Variants in FAM117A observed in about 807,000 individuals in gnomAD.
The protein encoded by FAM117A is family with sequence similarity 117 member A, also known as protein FAM117A.
A neutral mutation model predicts 44.1 loss-of-function variants in FAM117A; 21 were observed. That is an observed-to-expected ratio of 0.48 (90% CI 0.34 to 0.69). The LOEUF is 0.69. FAM117A is among the 30% of genes least tolerant of loss of function. FAM117A has a pLI of 0.01. For synonymous variants in FAM117A, 220 were observed against 238.3 expected (o/e 0.92, Z 0.71); for missense variants, 498 against 589.9 (o/e 0.84, Z 1.61).
chr17:49,712,298 G>C (rs1454068151), intron 7 of FAM117A, among the ~76,000 whole-genome samples: 1 of 152,168 alleles, frequency 6.6e-6, no homozygotes, highest in Non-Finnish European at 1.5e-5. Context: ...TTTGTTGCGG[G>C]GTGGGGATGG....
At chr17:49,781,155 C>T (rs2073788543) in intron 1 of FAM117A, among the ~76,000 whole-genome samples, 1 of 152,184 alleles carries the variant, frequency 6.6e-6, no homozygotes, top group African/African-American at 2.4e-5. Flanking sequence ...TGACCCATAA[C>T]TGAATGTAGC....
intron 1 of FAM117A, among the ~76,000 whole-genome samples, chr17:49,733,168 T>C (rs1201151979): frequency 1.3e-5 from 2 of 152,200 alleles, no homozygotes; most frequent in Non-Finnish European, 2.9e-5. Flanking sequence ...GCTTAGGCAC[T>C]GCACAAATTC....
At chr17:49,740,383 G>A (rs926320685) in intron 1 of FAM117A, among the ~76,000 whole-genome samples, 1 of 151,956 alleles carries the variant, frequency 6.6e-6, no homozygotes, top group Non-Finnish European at 1.5e-5. Context: ...CCGAGTAGCT[G>A]GGACTACAGG....
intron 1 of FAM117A, among the ~76,000 whole-genome samples, chr17:49,786,650 G>A (rs1040539765): frequency 1.3e-5 from 2 of 152,066 alleles, no homozygotes; most frequent in South Asian, 2.1e-4. Context: ...GGTGGCGGGC[G>A]CCTGTAATCT....
At chr17:49,773,667 C>T (rs182840729) in intron 1 of FAM117A, among the ~76,000 whole-genome samples, 53 of 152,218 alleles carry the variant, frequency 3.5e-4, no homozygotes, top group African/African-American at 1.2e-3. Flanking sequence ...TCCAAGTGTT[C>T]CTCATCTACC....
chr17:49,719,728 G>A (rs1173301053), intron 5 of FAM117A, 32 bp downstream of exon 5: 3 of 1,531,780 alleles, frequency 2.0e-6, no homozygotes, highest in South Asian at 2.5e-5. Flanking sequence ...GGCACGGACT[G>A]TGGGTGCACT....
In FAM117A at chr17:49,775,161, T is replaced by A. The variant is rs568254548; in HGVS notation, c.-621+13336A>T. On this transcript the variant is annotated intron_variant, in intron 1 of 7. Coordinates refer to the FAM117A transcript ENST00000513602. ...TGCCACCATGCCCGGCTAATTTTTG[T>A]ATTTTTAGTAGAGACGGGGTTTTGC... Among the ~76,000 whole-genome samples the A allele has an allele frequency of 2.0e-5, 3 of 152,314 alleles. No homozygotes were observed. The South Asian group carries it at 6.2e-4, about 32-fold the overall frequency.
At chr17:49,785,927 C>T (rs918695677) in intron 1 of FAM117A, among the ~76,000 whole-genome samples, 2 of 152,280 alleles carry the variant, frequency 1.3e-5, no homozygotes, top group East Asian at 3.9e-4. Flanking sequence ...TGAGGATAGC[C>T]AGGGGGCAAC....
At position 49,782,704 on chromosome 17, in the gene FAM117A, A is replaced by AC. The variant is rs1342216164; in HGVS notation, c.-621+5792_-621+5793insG. ...GACTTTGTCTCAAAAAAAAAAAAAAAAAAAAAACCCTTTGTGGCGGCAATG... is the reference window on the plus strand; with the variant it reads ...GACTTTGTCTCAAAAAAAAAAAAAAACAAAAAAACCCTTTGTGGCGGCAATG... On this transcript the variant is annotated intron_variant, in intron 1 of 7. Transcript: ENST00000513602. Among the ~76,000 whole-genome samples the AC allele has an allele frequency of 3.1e-3, 477 of 151,870 alleles. 7 individuals carry two copies. Among genetic ancestry groups the AC allele is most frequent in the African/African-American group, 0.011 (461 of 41,320 alleles).
intron 2 of FAM117A, among the ~76,000 whole-genome samples, chr17:49,730,827 T>C (rs1452392496): frequency 6.6e-6 from 1 of 152,182 alleles, no homozygotes; most frequent in African/African-American, 2.4e-5. Flanking sequence ...CACAGTCTAT[T>C]TGTAGATCCA....
intron 3 of FAM117A, among the ~76,000 whole-genome samples, chr17:49,721,121 T>G (rs1218655529): frequency 6.6e-6 from 1 of 152,164 alleles, no homozygotes; most frequent in Non-Finnish European, 1.5e-5. Context: ...GATGGGGATA[T>G]TCTCCCTTGT....
intron 1 of FAM117A, 52 bp from the exon 2 acceptor site, chr17:49,732,772 C>A: frequency 6.4e-7 from 1 of 1,567,672 alleles, no homozygotes; most frequent in South Asian, 1.2e-5. Flanking sequence ...AGGAAGGAGA[C>A]GTGGCAATCA....
chr17:49,780,924 G>A (rs903766500), intron 1 of FAM117A, among the ~76,000 whole-genome samples: 11 of 152,122 alleles, frequency 7.2e-5, no homozygotes, highest in African/African-American at 2.2e-4. Context: ...TCCGCCTCCC[G>A]GGTTCAAGCG....
At chr17:49,784,745 CCTTG>C (rs1286760605) in intron 1 of FAM117A, among the ~76,000 whole-genome samples, 2 of 152,202 alleles carry the variant, frequency 1.3e-5, no homozygotes, top group East Asian at 1.9e-4. Flanking sequence ...CACTTCTGAA[CCTTG>C]CTTATCTCCC....
At chr17:49,775,500 C>G (rs1328773658) in intron 1 of FAM117A, among the ~76,000 whole-genome samples, 1 of 152,214 alleles carries the variant, frequency 6.6e-6, no homozygotes, top group African/African-American at 2.4e-5. Context: ...GACACTCCTC[C>G]CACTTAGTAA....
At chr17:49,734,142 C>CAAA (rs55925044) in intron 1 of FAM117A, among the ~76,000 whole-genome samples, 2 of 59,422 alleles carry the variant, frequency 3.4e-5, no homozygotes, top group Non-Finnish European at 6.9e-5. Context: ...GACTCTGTCT[C>CAAA]AAAAAAAAAA....
intron 1 of FAM117A, among the ~76,000 whole-genome samples, chr17:49,774,649 T>C (rs1157205500): frequency 6.6e-6 from 1 of 152,056 alleles, no homozygotes; most frequent in Non-Finnish European, 1.5e-5. Context: ...TGAGCCACCG[T>C]GCTCTGTCAA....
At chr17:49,788,214 T>G (rs1000985323) in intron 1 of FAM117A, among the ~76,000 whole-genome samples, 1 of 152,192 alleles carries the variant, frequency 6.6e-6, no homozygotes, top group Non-Finnish European at 1.5e-5. Flanking sequence ...TTCCCACCCC[T>G]TCGAGACCAC....
chr17:49,754,186 CAG>C (rs946065901), intron 1 of FAM117A, among the ~76,000 whole-genome samples: 4 of 144,122 alleles, frequency 2.8e-5, no homozygotes, highest in Non-Finnish European at 6.1e-5. Context: ...AATCCCCAAA[CAG>C]GGGCTGTGTG....
Sources: gnomAD v4.1 joint callset for allele counts (sites outside exome capture counted in the v4.1 genomes callset) on GRCh38, gnomAD v4.1.1 for gene constraint, MANE v1.5 for transcripts, NCBI Gene and HGNC (gene_info 2026-07-23, HGNC 2026-07-21) for gene names.